PKHD1L1: variants seen among roughly 807,000 people sequenced by gnomAD.
The protein encoded by PKHD1L1 is fibrocystin-L.
In PKHD1L1, 434 loss-of-function variants were observed where a neutral mutation model predicts 462.9. The observed-to-expected ratio is 0.94, with a 90% CI of 0.87 to 1.02. The LOEUF (loss-of-function observed/expected upper bound fraction) is 1.02, where lower values mean the gene tolerates loss of function less well. PKHD1L1 is among the 50% of genes least tolerant of loss of function. The pLI is 0.00. For missense variants in PKHD1L1, 5,202 were observed against 5,096.1 expected, an observed-to-expected ratio of 1.02 and a Z score of -0.63; for synonymous variants, 1,781 against 1,750.0, an observed-to-expected ratio of 1.02 and a Z score of -0.44.
intron 43 of PKHD1L1, 76 bp downstream of exon 43, chr8:109,452,950 A>G: frequency 1.7e-6 from 2 of 1,185,396 alleles, no homozygotes; most frequent in Middle Eastern, 2.1e-4. Flanking sequence ...CAAAATCCAC[A>G]ATTATGAACA....
intron 6 of PKHD1L1, among the ~76,000 whole-genome samples, 184 bp downstream of exon 6, chr8:109,385,814 G>C: frequency 6.6e-6 from 1 of 151,552 alleles, no homozygotes; most frequent in Non-Finnish European, 1.5e-5. Flanking sequence ...CAAAAGCAAT[G>C]GTCGATATGT....
intron 50 of PKHD1L1, among the ~76,000 whole-genome samples, chr8:109,469,550 G>A (rs1817616122): frequency 6.6e-6 from 1 of 152,130 alleles, no homozygotes; most frequent in Non-Finnish European, 1.5e-5. Flanking sequence ...AGAGAAGGGT[G>A]AAAAGTGGAT....
rs746005434 is a variant in PKHD1L1, at chr8:109,491,074, A to G, written c.10087A>G (p.Asn3363Asp). 2 of 1,609,368 alleles carry G rather than the reference A, an allele frequency of 1.2e-6. No individual in the cohort carries two copies. Among genetic ancestry groups the G allele is most frequent in the East Asian group, 4.5e-5 (2 of 44,706 alleles). Residue 3363 changes from asparagine (N) to aspartate (D), a missense_variant, in exon 61 of 78, where the codon AAC (asparagine) becomes GAC (aspartate). Physicochemically the swap from Asn to Asp is conservative, Grantham distance 23. Around this residue, in one of 3 missense-constraint regions of PKHD1L1, gnomAD observed 4,497 missense variants for 4,336.8 expected, o/e 1.04. Coordinates refer to ENST00000378402, the MANE Select transcript of PKHD1L1 (RefSeq NM_177531.6). Reference sequence around the variant, plus strand: ...GACAGATGGATTGGACATAGATGACAACATCATTCACTTTACAGTGGGGGA... The same window carrying G: ...GACAGATGGATTGGACATAGATGACGACATCATTCACTTTACAGTGGGGGA... ...FGTDGLDIDDNIIHFTVGEGI... is the reference protein window; with the variant it reads ...FGTDGLDIDDDIIHFTVGEGI...
chr8:109,431,445 C>G (rs1266298430), intron 27 of PKHD1L1, among the ~76,000 whole-genome samples: 3 of 152,094 alleles, frequency 2.0e-5, no homozygotes, highest in Non-Finnish European at 4.4e-5. Context: ...TAGACCTAGT[C>G]CCCTACATAA....
intron 38 of PKHD1L1, 100 bp from the exon 39 acceptor site, chr8:109,448,043 T>C: frequency 1.9e-6 from 2 of 1,079,508 alleles, no homozygotes; most frequent in Non-Finnish European, 2.6e-6. Context: ...TTTAAAACAC[T>C]GGTTATTCTT....
At chr8:109,385,695 A>G in intron 6 of PKHD1L1, 65 bp downstream of exon 6, 1 of 1,045,978 alleles carries the variant, frequency 9.6e-7, no homozygotes, top group South Asian at 1.6e-5. Flanking sequence ...TATAAAAATA[A>G]TGGGTCCAAT....
At chr8:109,370,904 A>G (rs1212407628) in intron 2 of PKHD1L1, among the ~76,000 whole-genome samples, 2 of 152,100 alleles carry the variant, frequency 1.3e-5, no homozygotes, top group Admixed American at 1.3e-4. Context: ...AATCCAGTCT[A>G]TCATTGTTGG....
intron 19 of PKHD1L1, 21 bp downstream of exon 19, chr8:109,409,999 T>A: frequency 7.9e-7 from 1 of 1,271,998 alleles, no homozygotes; most frequent in Middle Eastern, 2.1e-4. Context: ...TTTAATGAAC[T>A]GTGAAACTGA....
intron 2 of PKHD1L1, among the ~76,000 whole-genome samples, chr8:109,376,388 T>C (rs1243255460): frequency 6.6e-6 from 1 of 152,208 alleles, no homozygotes; most frequent in African/African-American, 2.4e-5. Context: ...ATTTTCCAGG[T>C]GCCGTCTGTC....
chr8:109,447,162 G>T (rs1239987274), intron 38 of PKHD1L1, among the ~76,000 whole-genome samples: 1 of 152,160 alleles, frequency 6.6e-6, no homozygotes, highest in African/African-American at 2.4e-5. Flanking sequence ...GGCAGAAGTT[G>T]CAGTGAACTG....
In PKHD1L1 at chr8:109,464,216, G is replaced by T. The variant is rs932971775; in HGVS notation, c.7384G>T (p.Val2462Leu). The T allele has an allele frequency of 6.3e-7, 1 of 1,582,742 alleles. No individual in the cohort carries two copies. The highest frequency in any genetic ancestry group is 1.1e-5 in the South Asian group (1 of 87,532). The change falls in exon 49 of 78, where the codon GTA becomes TTA. Residue 2462 changes from valine to leucine, a missense_variant and splice_region_variant. This residue lies in a region of PKHD1L1 where 4,497 missense variants were observed against 4,336.8 expected (regional missense o/e 1.04). Transcript: ENST00000378402. ...TAACTGTGATTTCTGGGCTTAACAG[G>T]TATTCCATGCTGGCCAGGCTTTCCG... Reference protein sequence around the residue: ...MVTGRIEYVEVFHAGQAFRLG... With the variant: ...MVTGRIEYVELFHAGQAFRLG...
chr8:109,438,235 G>A, intron 30 of PKHD1L1, 89 bp from the exon 31 acceptor site: 1 of 991,848 alleles, frequency 1.0e-6, no homozygotes, highest in Non-Finnish European at 1.4e-6. Flanking sequence ...ATCTTCAGAA[G>A]TTTATTCTGA....
At position 109,449,323 on chromosome 8, in the gene PKHD1L1, AT is replaced by A; in HGVS notation, c.6026-12del. ...TTAATTAGCTTTGTTTTTCCTTTTT[AT>A]TTGTCTTCACTAGGGAGCTTTGGTG... On this transcript the variant is annotated splice_polypyrimidine_tract_variant and intron_variant, in intron 39 of 77. Transcript: ENST00000378402. 1 of 1,548,132 alleles carries A rather than the reference AT, an allele frequency of 6.5e-7. No homozygotes were observed. The highest frequency in any genetic ancestry group is 8.7e-7 in the Non-Finnish European group (1 of 1,146,800).
intron 46 of PKHD1L1, among the ~76,000 whole-genome samples, chr8:109,457,606 G>T (rs1345166314): frequency 6.6e-6 from 1 of 152,034 alleles, no homozygotes; most frequent in East Asian, 1.9e-4. Flanking sequence ...CCACTTACTA[G>T]TTCTGTAGTT....
intron 1 of PKHD1L1, among the ~76,000 whole-genome samples, chr8:109,363,631 C>T (rs1811087505): frequency 1.3e-5 from 2 of 152,018 alleles, no homozygotes; most frequent in Admixed American, 6.6e-5. Flanking sequence ...AAATAAACAC[C>T]TCTATCCACT....
chr8:109,455,136 G>A (rs1159672028), intron 45 of PKHD1L1, among the ~76,000 whole-genome samples: 1 of 152,140 alleles, frequency 6.6e-6, no homozygotes, highest in African/African-American at 2.4e-5. Context: ...CCAGGTGTTT[G>A]ATACCAGCCT....
Position 109,435,223 on chromosome 8 carries a change from G to A in PKHD1L1, c.3374G>A (p.Ser1125Asn), listed in dbSNP as rs756471466. Residue 1125 changes from serine to asparagine, a missense_variant, in exon 29 of 78, where the codon AGT becomes AAT. Around this residue, in one of 3 missense-constraint regions of PKHD1L1, gnomAD observed 4,497 missense variants for 4,336.8 expected, o/e 1.04. Coordinates refer to ENST00000378402, the MANE Select transcript of PKHD1L1 (RefSeq NM_177531.6). ...CTCAAGTGCCAGATTCTGAATGGAA[G>A]TGCTGGACATGCCCCCGTTGCTGTG... ...KELKCQILNGSAGHAPVAVSM... is the reference protein window; with the variant it reads ...KELKCQILNGNAGHAPVAVSM... The A allele has an allele frequency of 3.1e-6, 5 of 1,613,714 alleles. No individual in the cohort carries two copies. In the South Asian group the frequency reaches 5.5e-5, roughly 18 times the overall value.
intron 6 of PKHD1L1, among the ~76,000 whole-genome samples, chr8:109,386,240 C>T (rs1586405480): frequency 6.6e-6 from 1 of 152,158 alleles, no homozygotes; most frequent in Non-Finnish European, 1.5e-5. Context: ...TAAAAACTAG[C>T]GTTGTCACTA....
rs1421977584 is a variant in PKHD1L1 at position 109,486,646 on chromosome 8, A to G, written c.9707-2A>G. 2 of 1,610,472 alleles carry G rather than the reference A, an allele frequency of 1.2e-6. No homozygotes were observed. Among genetic ancestry groups the G allele is most frequent in the East Asian group, 2.2e-5 (1 of 44,814 alleles). ...AATAATCTAGCTGCCTTTATACTGC[A>G]GCTGAAAAATACCATGTCCCTGGAA... On this transcript the variant is annotated splice_acceptor_variant, in intron 58 of 77. Coordinates refer to ENST00000378402, the MANE Select transcript of PKHD1L1 (RefSeq NM_177531.6). LOFTEE classifies it high-confidence loss of function.
Sources: allele counts gnomAD v4.1 joint callset (sites outside exome capture counted in the v4.1 genomes callset), GRCh38; gene constraint gnomAD v4.1.1; regional missense constraint gnomAD v4.1.1; transcripts MANE v1.5; gene names NCBI Gene and HGNC (gene_info 2026-07-23, HGNC 2026-07-21).